WASF1: variants seen among roughly 807,000 people sequenced by gnomAD.
The protein encoded by WASF1 is actin-binding protein WASF1.
A neutral mutation model predicts 50.5 loss-of-function variants in WASF1; 7 were observed. The ratio of observed to expected loss-of-function variants is 0.14; its 90% CI spans 0.08 to 0.26. The LOEUF is 0.26. WASF1 is among the 10% of genes least tolerant of loss of function. The probability of loss-of-function intolerance (pLI) is 1.00; values close to 1 mark genes in which losing one functional copy is unlikely to be tolerated. For missense variants in WASF1, 470 were observed against 694.7 expected, an observed-to-expected ratio of 0.68 and a Z score of 3.64; for synonymous variants, 205 against 244.0, an observed-to-expected ratio of 0.84 and a Z score of 1.49.
chr6:110,170,906 A>C (rs748297695), intron 2 of WASF1, among the ~76,000 whole-genome samples: 1 of 152,156 alleles, frequency 6.6e-6, no homozygotes, highest in Non-Finnish European at 1.5e-5. Context: ...AATGATTCTT[A>C]ATGTATATGC....
At chr6:110,152,076 G>A (rs1775849989) in intron 3 of WASF1, among the ~76,000 whole-genome samples, 1 of 152,160 alleles carries the variant, frequency 6.6e-6, no homozygotes, top group Non-Finnish European at 1.5e-5. Flanking sequence ...TACATGTTAA[G>A]AGAGGTTTTA....
chr6:110,136,566 A>G (rs1774977115), intron 3 of WASF1, among the ~76,000 whole-genome samples: 1 of 152,172 alleles, frequency 6.6e-6, no homozygotes, highest in Non-Finnish European at 1.5e-5. Context: ...GTTATTAGGT[A>G]TATTTACCAT....
chr6:110,145,492 C>T (rs1562180909), intron 3 of WASF1, among the ~76,000 whole-genome samples: 1 of 152,144 alleles, frequency 6.6e-6, no homozygotes. Flanking sequence ...ACTTCCAACG[C>T]TATGTTGAAT....
chr6:110,133,657 T>A (rs967587883), intron 3 of WASF1, among the ~76,000 whole-genome samples: 2 of 152,186 alleles, frequency 1.3e-5, no homozygotes, highest in African/African-American at 2.4e-5. Context: ...CATTTTCTCA[T>A]GTTTTTTGGC....
At chr6:110,165,562 C>A (rs1776441002) in intron 2 of WASF1, among the ~76,000 whole-genome samples, 1 of 151,690 alleles carries the variant, frequency 6.6e-6, no homozygotes, top group South Asian at 2.1e-4. Flanking sequence ...CTCACTCTAC[C>A]TACCTGACCT....
At chr6:110,123,152 TAGCATTTATATATAATC>T (rs1294835849) in intron 4 of WASF1, among the ~76,000 whole-genome samples, 11 of 152,350 alleles carry the variant, frequency 7.2e-5, no homozygotes, top group East Asian at 3.9e-4. Context: ...ATGTAGACTG[TAGCATTTATATATAATC>T]AGCATTTATA....
chr6:110,151,235 T>C (rs757453591), intron 3 of WASF1, among the ~76,000 whole-genome samples: 2 of 152,180 alleles, frequency 1.3e-5, no homozygotes, highest in Non-Finnish European at 2.9e-5. Flanking sequence ...CATCAGCAAC[T>C]TACGAGAGTT....
intron 3 of WASF1, among the ~76,000 whole-genome samples, chr6:110,130,086 G>A (rs543041676): frequency 7.9e-5 from 12 of 152,278 alleles, no homozygotes; most frequent in Middle Eastern, 3.4e-3. Flanking sequence ...AAACCTAATT[G>A]CAGTTAAGTG....
At chr6:110,106,405 A>T (rs1010332074) in intron 7 of WASF1, among the ~76,000 whole-genome samples, 2 of 152,254 alleles carry the variant, frequency 1.3e-5, no homozygotes, top group Non-Finnish European at 2.9e-5. Flanking sequence ...TTATACAGGG[A>T]TTAGGGAAAG....
At chr6:110,170,695 T>C (rs533506956) in intron 2 of WASF1, among the ~76,000 whole-genome samples, 1 of 151,932 alleles carries the variant, frequency 6.6e-6, no homozygotes, top group African/African-American at 2.4e-5. Context: ...TAACTATATA[T>C]TGTATACAAG....
chr6:110,170,415 G>C (rs965591106), intron 2 of WASF1, among the ~76,000 whole-genome samples: 1 of 152,202 alleles, frequency 6.6e-6, no homozygotes, highest in Non-Finnish European at 1.5e-5. Flanking sequence ...GTAGAGACAA[G>C]GTTTCACTGT....
chr6:110,135,293 T>A (rs775284000), intron 3 of WASF1, among the ~76,000 whole-genome samples: 3 of 151,628 alleles, frequency 2.0e-5, no homozygotes, highest in Non-Finnish European at 4.4e-5. Flanking sequence ...TTTCTAGGTA[T>A]ATGATCATTT....
At chr6:110,149,698 T>G (rs997341588) in intron 3 of WASF1, among the ~76,000 whole-genome samples, 1 of 152,166 alleles carries the variant, frequency 6.6e-6, no homozygotes, top group Non-Finnish European at 1.5e-5. Context: ...TATTGCTTGC[T>G]CTACTGTATT....
chr6:110,108,215 T>A (rs1406683584), intron 6 of WASF1, among the ~76,000 whole-genome samples: 1 of 151,668 alleles, frequency 6.6e-6, no homozygotes, highest in Non-Finnish European at 1.5e-5. Context: ...GACAGAATTT[T>A]GAGCTTTTTC....
rs201747832 is a variant in WASF1 at position 110,113,473 on chromosome 6, G to A, written c.134-13C>T. The A allele has an allele frequency of 1.3e-6, 2 of 1,577,854 alleles. No homozygotes were observed. Among genetic ancestry groups the A allele is most frequent in the Non-Finnish European group, 1.7e-6 (2 of 1,164,102 alleles). ...TCAGCATATTTACCTAAGCAAAAAT[G>A]ACACATATATCATAAAATTTAACAT... On this transcript the variant is annotated splice_polypyrimidine_tract_variant and intron_variant, in intron 4 of 10. Transcript: ENST00000392589.
intron 2 of WASF1, among the ~76,000 whole-genome samples, chr6:110,173,212 A>T (rs1402952351): frequency 2.0e-5 from 3 of 152,126 alleles, no homozygotes; most frequent in African/African-American, 7.2e-5. Context: ...TCTTCTTTTC[A>T]AATAAGTTAG....
intron 5 of WASF1, among the ~76,000 whole-genome samples, chr6:110,112,905 A>AC (rs1231847427): frequency 2.1e-4 from 27 of 129,258 alleles, no homozygotes; most frequent in African/African-American, 9.2e-4. Flanking sequence ...AAAAAAAAAA[A>AC]AAAACAAAAA....
intron 3 of WASF1, among the ~76,000 whole-genome samples, chr6:110,140,145 GT>G (rs1190326187): frequency 6.6e-6 from 1 of 152,158 alleles, no homozygotes; most frequent in Non-Finnish European, 1.5e-5. Context: ...CAGGCTGAAT[GT>G]TAAGTTGACA....
At chr6:110,174,899 T>C (rs183098201) in intron 2 of WASF1, among the ~76,000 whole-genome samples, 285 of 152,298 alleles carry the variant, frequency 1.9e-3, no homozygotes, top group African/African-American at 6.2e-3. Flanking sequence ...TCTGTAGTAA[T>C]TGCATACACT....
Sources: gnomAD v4.1 joint callset for allele counts (sites outside exome capture counted in the v4.1 genomes callset) on GRCh38, gnomAD v4.1.1 for gene constraint, MANE v1.5 for transcripts, NCBI Gene and HGNC (gene_info 2026-07-23, HGNC 2026-07-21) for gene names.